Variants in PRELID2 observed in about 807,000 individuals in gnomAD.
PRELID2 encodes PRELI domain-containing protein 2.
In PRELID2, 25 loss-of-function variants were observed where a neutral mutation model predicts 28.4. That is an observed-to-expected ratio of 0.88 (90% CI 0.64 to 1.23). The LOEUF (loss-of-function observed/expected upper bound fraction) is 1.23. Among genes scored for constraint, PRELID2 ranks in the 50% most tolerant of loss-of-function variants. The pLI is 0.00. For synonymous variants in PRELID2, 76 were observed against 71.6 expected, an observed-to-expected ratio of 1.06 and a Z score of -0.31; for missense variants, 201 against 214.4, an observed-to-expected ratio of 0.94 and a Z score of 0.39.
chr5:145,431,823 A>G, the PRELID2 span, among the ~76,000 whole-genome samples: 3 of 152,220 alleles, frequency 2.0e-5, no homozygotes, highest in Admixed American at 1.3e-4. Context: ...TTGCAAAAGG[A>G]TAATGATGTC....
the PRELID2 span, among the ~76,000 whole-genome samples, chr5:145,320,649 G>A: frequency 6.6e-6 from 1 of 152,120 alleles, no homozygotes; most frequent in Non-Finnish European, 1.5e-5. Context: ...CTATAATGCT[G>A]AAAGAATAAT....
the PRELID2 span, among the ~76,000 whole-genome samples, chr5:145,254,300 T>C: frequency 0.061 from 9,357 of 152,176 alleles, 948 homozygotes; most frequent in African/African-American, 0.21. Flanking sequence ...GTATATCCAA[T>C]AAATATTAAC....
the PRELID2 span, among the ~76,000 whole-genome samples, chr5:145,375,482 C>T: frequency 1.7e-4 from 26 of 152,232 alleles, no homozygotes; most frequent in South Asian, 4.1e-4. Context: ...ACCCGTTTAA[C>T]GAAGCACTTT....
chr5:145,272,232 C>T, the PRELID2 span, among the ~76,000 whole-genome samples: 1 of 152,144 alleles, frequency 6.6e-6, no homozygotes, highest in Non-Finnish European at 1.5e-5. Context: ...AGAAGATTAA[C>T]ATTTCAATAC....
chr5:145,557,722 C>T (rs1397467989), intron 1 of PRELID2, among the ~76,000 whole-genome samples: 2 of 152,142 alleles, frequency 1.3e-5, no homozygotes, highest in African/African-American at 2.4e-5. Context: ...CACACTAATC[C>T]AATGAGGTAA....
chr5:145,305,995 T>A, the PRELID2 span, among the ~76,000 whole-genome samples: 1 of 152,126 alleles, frequency 6.6e-6, no homozygotes, highest in Admixed American at 6.6e-5. Flanking sequence ...AATAGTGAAC[T>A]TGCTAAAGCC....
the PRELID2 span, among the ~76,000 whole-genome samples, chr5:145,359,997 C>T: frequency 6.6e-6 from 1 of 152,156 alleles, no homozygotes; most frequent in Admixed American, 6.6e-5. Flanking sequence ...GGAATGGCTA[C>T]ATTTGAGAAA....
chr5:145,538,852 C>G (rs1004551741), intron 1 of PRELID2, among the ~76,000 whole-genome samples: 5 of 151,788 alleles, frequency 3.3e-5, no homozygotes, highest in Non-Finnish European at 5.9e-5. Flanking sequence ...GTGAATGAAG[C>G]AAATTTTTGA....
In PRELID2 at chr5:145,823,141, A is replaced by T; in HGVS notation, c.76-7T>A. ...TATCCATGGGGTTGGGGTACTAAAC[A>T]AAAATATATAAAAAAGAATTACCAT... is the stretch of plus-strand genomic sequence containing the variant. On this transcript the variant is annotated splice_region_variant and splice_polypyrimidine_tract_variant and intron_variant, in intron 1 of 6. Transcript: ENST00000683046. The T allele has an allele frequency of 7.6e-7, 1 of 1,322,820 alleles. No homozygotes were observed. The highest frequency in any genetic ancestry group is 1.1e-6 in the Non-Finnish European group (1 of 916,702). 81.9% of individuals were successfully genotyped at this position (1,322,820 alleles called of 1,614,324 possible). A position where few individuals can be genotyped will look rare whatever the true frequency, so the allele number is the denominator to read the frequency against.
intron 1 of PRELID2, among the ~76,000 whole-genome samples, chr5:145,735,503 T>A (rs1485398380): frequency 6.6e-6 from 1 of 152,086 alleles, no homozygotes; most frequent in Non-Finnish European, 1.5e-5. Context: ...TAGTTTGTGA[T>A]AAGGAAGCAT....
the PRELID2 span, among the ~76,000 whole-genome samples, chr5:145,311,507 G>A: frequency 6.6e-6 from 1 of 152,120 alleles, no homozygotes; most frequent in Non-Finnish European, 1.5e-5. Context: ...AATTCTATCT[G>A]GACCCTGTTG....
chr5:145,742,427 C>A (rs371140566), intron 1 of PRELID2, among the ~76,000 whole-genome samples: 1 of 136,316 alleles, frequency 7.3e-6, no homozygotes, highest in African/African-American at 2.7e-5. Flanking sequence ...TAGAATCAAA[C>A]CAGAAATCGA....
At chr5:145,255,315 A>C in the PRELID2 span, among the ~76,000 whole-genome samples, 2 of 152,146 alleles carry the variant, frequency 1.3e-5, no homozygotes, top group Non-Finnish European at 2.9e-5. Flanking sequence ...CCAGTGGAAA[A>C]AAAATACACA....
chr5:145,340,089 C>A, the PRELID2 span, among the ~76,000 whole-genome samples: 2 of 152,152 alleles, frequency 1.3e-5, no homozygotes, highest in Non-Finnish European at 2.9e-5. Flanking sequence ...TAGCCAGCAC[C>A]TGAATGCACT....
Position 145,758,459 on chromosome 5 carries a change from C to T in PRELID2, c.*2077G>A, listed in dbSNP as rs904547570. Among the ~76,000 whole-genome samples, 3 of 152,038 alleles carry T rather than the reference C, an allele frequency of 2.0e-5. No individual in the cohort carries two copies. The highest frequency in any genetic ancestry group is 2.9e-5 in the Non-Finnish European group (2 of 68,016). Reference sequence around the variant, plus strand: ...TTTTTTAAAGCTGATGCCTTGGTTCCACTACCTGAGATTCTGATTTTTGGT... The same window carrying T: ...TTTTTTAAAGCTGATGCCTTGGTTCTACTACCTGAGATTCTGATTTTTGGT... On this transcript the variant is annotated 3_prime_UTR_variant, in exon 7 of 7. Transcript: ENST00000683046.
chr5:145,439,737 C>T, the PRELID2 span, among the ~76,000 whole-genome samples: 1 of 152,018 alleles, frequency 6.6e-6, no homozygotes, highest in Non-Finnish European at 1.5e-5. Context: ...TCCTCCTTTC[C>T]ATTTCTACTG....
intron 1 of PRELID2, among the ~76,000 whole-genome samples, chr5:145,746,384 G>C (rs1756992342): frequency 6.6e-6 from 1 of 152,136 alleles, no homozygotes; most frequent in Non-Finnish European, 1.5e-5. Flanking sequence ...TGAATTCCTA[G>C]TCTCTGACAA....
chr5:145,477,850 G>A (rs1412294756), intron 1 of PRELID2, among the ~76,000 whole-genome samples: 2 of 152,016 alleles, frequency 1.3e-5, no homozygotes, highest in Non-Finnish European at 2.9e-5. Context: ...AGAGAAGGAG[G>A]AGGAGAAAGG....
intron 2 of PRELID2, among the ~76,000 whole-genome samples, chr5:145,821,152 G>GGTGTGTGTGT (rs70998038): frequency 0.033 from 2,941 of 88,230 alleles, 173 homozygotes; most frequent in Non-Finnish European, 0.047. Context: ...AACTCTCCTG[G>GGTGTGTGTGT]GTGTGTGTGT....
Sources: gnomAD v4.1 joint callset for allele counts (sites outside exome capture counted in the v4.1 genomes callset) on GRCh38, gnomAD v4.1.1 for gene constraint, MANE v1.5 for transcripts, NCBI Gene and HGNC (gene_info 2026-07-23, HGNC 2026-07-21) for gene names.